Variants in HEATR1 observed in about 807,000 individuals in gnomAD.
HEATR1 encodes the protein HEAT repeat-containing protein 1.
A neutral mutation model predicts 248.2 loss-of-function variants in HEATR1; 77 were observed. The observed-to-expected ratio is 0.31, with a 90% CI of 0.26 to 0.37. The LOEUF (loss-of-function observed/expected upper bound fraction) is 0.37, where lower values mean the gene tolerates loss of function less well. HEATR1 is among the 10% of genes least tolerant of loss of function. The probability of loss-of-function intolerance (pLI) is 1.00; values close to 1 mark genes in which losing one functional copy is unlikely to be tolerated. For missense variants in HEATR1, 2,420 were observed against 2,504.9 expected, an observed-to-expected ratio of 0.97 and a Z score of 0.72; for synonymous variants, 897 against 923.1, an observed-to-expected ratio of 0.97 and a Z score of 0.51.
chr1:236,556,329 G>A, intron 37 of HEATR1, 71 bp from the exon 38 acceptor site: 1 of 1,474,248 alleles, frequency 6.8e-7, no homozygotes, highest in Non-Finnish European at 9.4e-7. Context: ...TTACAGAGAG[G>A]CTTCATGATG....
At position 236,592,115 on chromosome 1, in the gene HEATR1, G is replaced by T; in HGVS notation, c.1305-5C>A. On this transcript the variant is annotated splice_region_variant and splice_polypyrimidine_tract_variant and intron_variant, in intron 10 of 44. Transcript: ENST00000366582. ...ACATCTAATGTTCTGGGGTATCTGG[G>T]AAGCAATTAAAAAGTGAATTCATTA... The T allele has an allele frequency of 6.9e-7, 1 of 1,440,308 alleles. No individual in the cohort carries two copies. Among genetic ancestry groups the T allele is most frequent in the Non-Finnish European group, 9.7e-7 (1 of 1,034,056 alleles). The allele number at this position is 1,440,308 out of a possible 1,614,324, so 89.2% of individuals were successfully genotyped here. A position where few individuals can be genotyped will look rare whatever the true frequency, so the allele number is the denominator to read the frequency against.
In HEATR1 at chr1:236,558,996, A is replaced by G; in HGVS notation, c.4910T>C (p.Ile1637Thr). 6.2e-7 allele frequency: 1 copy of G among 1,603,704 alleles called. No homozygotes were observed. ...LQQNISWKKT[I>T]VTRFLKLVPD... ...GGTGTGTCCTGGGTCTTCACTCACT[A>G]TTGTCTTCTTCCAGGATATATTTTG... The change falls in exon 35 of 45, where the codon ATA becomes ACA. Residue 1637 changes from isoleucine (I) to threonine (T), a missense_variant and splice_region_variant. Transcript: ENST00000366582.
rs560864045 is a variant in HEATR1 at position 236,569,206 on chromosome 1, C to T, written c.3949-82G>A. On this transcript the variant is annotated intron_variant, in intron 28 of 44. Coordinates refer to ENST00000366582, the MANE Select transcript of HEATR1 (RefSeq NM_018072.6). ...TTTTTCAAGAGATAGCGTCTCGCTC[C>T]GTCATTCAGGCTGGGATGCAGTGCA... is the stretch of plus-strand genomic sequence containing the variant. The T allele has an allele frequency of 1.7e-4, 179 of 1,063,964 alleles. No homozygotes were observed. The Admixed American group carries it at 1.8e-3, about 11-fold the overall frequency. 65.9% of individuals were successfully genotyped at this position (1,063,964 alleles called of 1,614,324 possible). A position where few individuals can be genotyped will look rare whatever the true frequency, so the allele number is the denominator to read the frequency against.
chr1:236,556,468 G>T (rs745833146), intron 37 of HEATR1, among the ~76,000 whole-genome samples: 2 of 152,234 alleles, frequency 1.3e-5, no homozygotes, highest in Non-Finnish European at 2.9e-5. Flanking sequence ...CAGGGACGAA[G>T]GCCGATGGTA....
intron 19 of HEATR1, among the ~76,000 whole-genome samples, chr1:236,581,738 G>C (rs1203508594): frequency 6.6e-6 from 1 of 152,166 alleles, no homozygotes; most frequent in African/African-American, 2.4e-5. Flanking sequence ...GCTGTAGAGA[G>C]AACAAGTCAG....
intron 11 of HEATR1, 140 bp from the exon 12 acceptor site, chr1:236,591,094 A>G: frequency 2.4e-6 from 1 of 408,398 alleles, no homozygotes; most frequent in Admixed American, 4.5e-5. Context: ...CAAACAAAAA[A>G]ATGCAAAATC....
chr1:236,586,277 A>C lies in HEATR1; in HGVS notation c.1891T>G (p.Cys631Gly), dbSNP rs758139252. 6.2e-7 allele frequency: 1 copy of C among 1,613,116 alleles called. No homozygotes were observed. Among genetic ancestry groups the C allele is most frequent in the Non-Finnish European group, 8.5e-7 (1 of 1,179,578 alleles). The stretch of plus-strand genomic sequence containing the variant: ...CCTCTTAATAGAGGGTGCAGGGAGC[A>C]GATTCCTGATTTTGATAAATATATA... ...IAIYLSKSGI[C>G]SLHPLLRGWE... is the part of the protein sequence containing the mutation. Residue 631 changes from cysteine to glycine, a missense_variant, in exon 15 of 45, where the codon TGC (cysteine) becomes GGC (glycine). Physicochemically the swap from Cys to Gly is radical, Grantham distance 159 (BLOSUM62 -3). Transcript: ENST00000366582.
intron 31 of HEATR1, 101 bp from the exon 32 acceptor site, chr1:236,564,762 T>A: frequency 8.9e-7 from 1 of 1,117,682 alleles, no homozygotes. Flanking sequence ...ATTAACGGGA[T>A]AACATTTTCC....
At chr1:236,560,723 C>A (rs144573551) in intron 33 of HEATR1, among the ~76,000 whole-genome samples, 74 of 152,284 alleles carry the variant, frequency 4.9e-4, no homozygotes, top group African/African-American at 1.8e-3. Flanking sequence ...AAGGAAAATT[C>A]CTGCACCCAA....
intron 35 of HEATR1, 117 bp from the exon 36 acceptor site, chr1:236,558,646 C>G: frequency 9.9e-7 from 1 of 1,008,202 alleles, no homozygotes. Flanking sequence ...GGTCCTGAGT[C>G]ACACAGTCAT....
At position 236,585,777 on chromosome 1, in the gene HEATR1, A is replaced by G. The variant is rs200851958; in HGVS notation, c.2049+43T>C. The G allele has an allele frequency of 9.5e-5, 151 of 1,593,696 alleles. 1 individual carries two copies. The Admixed American group carries it at 2.6e-3, about 28-fold the overall frequency. On this transcript the variant is annotated intron_variant, in intron 16 of 44. Transcript: ENST00000366582. ...CAAAAGCTGAGAATTTAATAAGAGT[A>G]TGAGAAAGAAATCCAGGGGGTGGAC...
intron 29 of HEATR1, 88 bp from the exon 30 acceptor site, chr1:236,566,964 G>A (rs942611051): frequency 1.2e-6 from 1 of 824,802 alleles, no homozygotes; most frequent in Non-Finnish European, 2.0e-6. Flanking sequence ...CTTTTAGATG[G>A]GCCCCAAGAA....
chr1:236,565,121 C>T (rs566586866), intron 31 of HEATR1, among the ~76,000 whole-genome samples: 105 of 152,292 alleles, frequency 6.9e-4, no homozygotes, highest in African/African-American at 2.3e-3. Context: ...GGACCTCCCT[C>T]GTCTGTCCCT....
intron 32 of HEATR1, 102 bp downstream of exon 32, chr1:236,564,396 C>T: frequency 2.0e-6 from 2 of 978,264 alleles, no homozygotes; most frequent in Non-Finnish European, 3.0e-6. Flanking sequence ...GGCGTGCCTC[C>T]CATTTTCATG....
At chr1:236,600,540 T>C (rs1028209867) in intron 3 of HEATR1, among the ~76,000 whole-genome samples, 4 of 138,832 alleles carry the variant, frequency 2.9e-5, no homozygotes, top group African/African-American at 1.2e-4. Flanking sequence ...TTTTATTAGA[T>C]TTTTTTTTTT....
chr1:236,576,989 A>C (rs1663579031), intron 20 of HEATR1, 40 bp from the exon 21 acceptor site: 1 of 1,501,548 alleles, frequency 6.7e-7, no homozygotes, highest in African/African-American at 1.4e-5. Context: ...AACAATTTTA[A>C]AAACTGAAAC....
intron 5 of HEATR1, among the ~76,000 whole-genome samples, chr1:236,597,230 T>C (rs1279714562): frequency 6.6e-6 from 1 of 150,896 alleles, no homozygotes; most frequent in Non-Finnish European, 1.5e-5. Context: ...CCTAATGATA[T>C]TCCTAACATT....
chr1:236,569,009 G>A lies in HEATR1; in HGVS notation c.4064C>T (p.Pro1355Leu). 2 of 1,601,958 alleles carry A rather than the reference G, an allele frequency of 1.2e-6. No homozygotes were observed. Among genetic ancestry groups the A allele is most frequent in the Non-Finnish European group, 1.7e-6 (2 of 1,175,426 alleles). ...AAGAGACCTTACCTGAATAAGTGCG[G>A]GAATAACCATTTTCACTGTCTTGTT... ...VINKTVKMVI[P>L]ALIQSDSGDS... is the part of the protein sequence containing the mutation. The change falls in exon 29 of 45, where the codon CCC becomes CTC. Residue 1355 changes from proline (P) to leucine (L), a missense_variant. Physicochemically the swap from Pro to Leu is moderately conservative, Grantham distance 98. Transcript: ENST00000366582.
intron 20 of HEATR1, 96 bp from the exon 21 acceptor site, chr1:236,577,045 C>T (rs1663580353): frequency 3.2e-6 from 3 of 925,604 alleles, no homozygotes; most frequent in Non-Finnish European, 4.7e-6. Context: ...AAAAAGTTTC[C>T]CTTCGAATTC....
Sources: allele counts gnomAD v4.1 joint callset (sites outside exome capture counted in the v4.1 genomes callset), GRCh38; gene constraint gnomAD v4.1.1; transcripts MANE v1.5; gene names NCBI Gene and HGNC (gene_info 2026-07-23, HGNC 2026-07-21).